The following FGD4 variants were observed in gnomAD, a reference collection of about 807,000 sequenced individuals.
FGD4 encodes FYVE, RhoGEF and PH domain-containing protein 4.
In FGD4, 42 loss-of-function variants were observed where a neutral mutation model predicts 102.0. The ratio of observed to expected loss-of-function variants is 0.41; its 90% CI spans 0.32 to 0.53. The LOEUF (loss-of-function observed/expected upper bound fraction) is 0.53, where lower values mean the gene tolerates loss of function less well. FGD4 is among the 20% of genes least tolerant of loss of function. The pLI, the probability that FGD4 is intolerant of heterozygous loss-of-function variation, is 0.21. For synonymous variants in FGD4, 380 were observed against 375.7 expected (o/e 1.01, Z -0.13); for missense variants, 902 against 1,078.2 (o/e 0.84, Z 2.29).
chr12:32,576,555 C>A, intron 3 of FGD4, 106 bp downstream of exon 3: 3 of 1,311,726 alleles, frequency 2.3e-6, no homozygotes, highest in Non-Finnish European at 3.2e-6. Context: ...ATATCTTATT[C>A]CATTAGGTTT....
At position 32,643,980 on chromosome 12, in the gene FGD4, T is replaced by G. The variant is rs1393395848; in HGVS notation, c.*3447T>G. On this transcript the variant is annotated 3_prime_UTR_variant, in exon 17 of 17. Coordinates refer to ENST00000534526, the MANE Select transcript of FGD4 (RefSeq NM_001370298.3). ...AGTAGCAAGCACCAACCGGAGCAAGTAAACTTCTAGGGAACAAGCGTCTTG... is the reference window on the plus strand; with the variant it reads ...AGTAGCAAGCACCAACCGGAGCAAGGAAACTTCTAGGGAACAAGCGTCTTG... 1 of 152,184 alleles carries G rather than the reference T, an allele frequency of 6.6e-6. No homozygotes were observed. Among genetic ancestry groups the G allele is most frequent in the South Asian group, 2.1e-4 (1 of 4,832 alleles). 9.4% of individuals were successfully genotyped at this position (152,184 alleles called of 1,614,324 possible). A position where few individuals can be genotyped will look rare whatever the true frequency, so the allele number is the denominator to read the frequency against.
chr12:32,636,011 C>CTAATAATAATAA (rs147444731), intron 15 of FGD4, among the ~76,000 whole-genome samples: 12 of 146,816 alleles, frequency 8.2e-5, no homozygotes, highest in East Asian at 6.0e-4. Flanking sequence ...GACTCTGTCT[C>CTAATAATAATAA]TAATAATAAT....
intron 7 of FGD4, among the ~76,000 whole-genome samples, chr12:32,604,154 C>A (rs1040912102): frequency 2.0e-5 from 3 of 152,126 alleles, no homozygotes; most frequent in Admixed American, 6.5e-5. Context: ...TGGCTTTCAG[C>A]AGTTTAAATA....
chr12:32,484,358 T>TA (rs34890970), intron 1 of FGD4, among the ~76,000 whole-genome samples: 47,117 of 152,060 alleles, frequency 0.31, 7,469 homozygotes, highest in East Asian at 0.45. Flanking sequence ...TAAGGTAACA[T>TA]ACAATTTTTA....
chr12:32,402,758 T>C lies in FGD4; in HGVS notation c.166+2799T>C, dbSNP rs1439885700. Among the ~76,000 whole-genome samples, 6 of 118,468 alleles carry C rather than the reference T, an allele frequency of 5.1e-5. No individual in the cohort carries two copies. In the East Asian group the frequency reaches 8.2e-4, roughly 16 times the overall value. 77.7% of individuals were successfully genotyped at this position (118,468 alleles called of 152,430 possible). ...TATTTTCAGGGTCGAAAAGTAATTA[T>C]CTTAATAGGTACAGCCATTCCCCTT... On this transcript the variant is annotated intron_variant, in intron 1 of 16. Transcript: ENST00000534526.
chr12:32,501,357 A>G lies in FGD4; in HGVS notation c.167-62780A>G, dbSNP rs186199545. Among the ~76,000 whole-genome samples the G allele has an allele frequency of 3.4e-3, 518 of 152,310 alleles. 1 individual carries two copies. The highest frequency in any genetic ancestry group is 6.1e-3 in the Admixed American group (93 of 15,304). Reference sequence around the variant, plus strand: ...CTAATAGTTGGTTTTTATGTGGTATATTTGGTTTTCAGCCAATTTTATCTT... The same window carrying G: ...CTAATAGTTGGTTTTTATGTGGTATGTTTGGTTTTCAGCCAATTTTATCTT... On this transcript the variant is annotated intron_variant, in intron 1 of 16. Coordinates refer to ENST00000534526, the MANE Select transcript of FGD4 (RefSeq NM_001370298.3).
chr12:32,533,628 T>G (rs1331077034), intron 1 of FGD4, among the ~76,000 whole-genome samples: 2 of 152,194 alleles, frequency 1.3e-5, no homozygotes, highest in African/African-American at 4.8e-5. Flanking sequence ...TTTCACCATG[T>G]TGGCCAGGCT....
Position 32,582,418 on chromosome 12 carries a change from G to T in FGD4, c.962G>T (p.Gly321Val). Residue 321 changes from glycine to valine, a missense_variant, in exon 4 of 17, where the codon GGG becomes GTG. Gly to Val is a moderately radical substitution (Grantham distance 109). Coordinates refer to ENST00000534526, the MANE Select transcript of FGD4 (RefSeq NM_001370298.3). ...TETKVQEREN[G>V]ESPLELEQLD... Reference sequence around the variant, plus strand: ...ACCAAGGTACAAGAGAGGGAAAATGGGGAAAGCCCTCTGGAACTGGAGCAG... The same window carrying T: ...ACCAAGGTACAAGAGAGGGAAAATGTGGAAAGCCCTCTGGAACTGGAGCAG... 1 of 1,613,626 alleles carries T rather than the reference G, an allele frequency of 6.2e-7. No homozygotes were observed. The highest frequency in any genetic ancestry group is 1.1e-5 in the South Asian group (1 of 91,078).
intron 1 of FGD4, among the ~76,000 whole-genome samples, chr12:32,441,096 G>C (rs1287138752): frequency 6.6e-6 from 1 of 152,144 alleles, no homozygotes; most frequent in Non-Finnish European, 1.5e-5. Context: ...CAAGAGTCAG[G>C]GTCTGGAACC....
rs1565749130 is a variant in FGD4, at chr12:32,453,222, TATAGATATATATA to T, written c.166+53264_166+53276del. On this transcript the variant is annotated intron_variant, in intron 1 of 16. Coordinates refer to ENST00000534526, the MANE Select transcript of FGD4 (RefSeq NM_001370298.3). ...ATATTATATATATATATATATATAA[TATAGATATATATA>T]TATTTTTTTTTTTTTAAATGTAGAG... Among the ~76,000 whole-genome samples, 443 of 48,282 alleles carry T rather than the reference TATAGATATATATA, an allele frequency of 9.2e-3. 4 individuals are homozygous for T. In the Middle Eastern group the frequency reaches 0.095, roughly 10 times the overall value. The allele number at this position is 48,282 out of a possible 152,430, so 31.7% of individuals were successfully genotyped here. A position where few individuals can be genotyped will look rare whatever the true frequency, so the allele number is the denominator to read the frequency against.
intron 15 of FGD4, among the ~76,000 whole-genome samples, chr12:32,634,260 T>C (rs1950664067): frequency 1.3e-5 from 2 of 152,276 alleles, no homozygotes; most frequent in Non-Finnish European, 2.9e-5. Flanking sequence ...CCCAAATTAT[T>C]GTAGTATGTT....
intron 1 of FGD4, among the ~76,000 whole-genome samples, chr12:32,481,376 G>A (rs1178403349): frequency 6.6e-6 from 1 of 152,170 alleles, no homozygotes; most frequent in Non-Finnish European, 1.5e-5. Flanking sequence ...CTTACAAGAT[G>A]TAATGATCAA....
intron 1 of FGD4, among the ~76,000 whole-genome samples, chr12:32,472,460 G>A (rs879055597): frequency 3.3e-5 from 5 of 152,170 alleles, no homozygotes; most frequent in Admixed American, 6.5e-5. Context: ...GGGTGTACTG[G>A]GTCCCCCAGC....
At chr12:32,413,026 A>G (rs1290901631) in intron 1 of FGD4, among the ~76,000 whole-genome samples, 2 of 147,814 alleles carry the variant, frequency 1.4e-5, no homozygotes, top group African/African-American at 5.0e-5. Context: ...CAGTGGAGCC[A>G]TAATTGCGCC....
At chr12:32,449,349 G>A (rs1379257571) in intron 1 of FGD4, among the ~76,000 whole-genome samples, 1 of 152,196 alleles carries the variant, frequency 6.6e-6, no homozygotes, top group Non-Finnish European at 1.5e-5. Flanking sequence ...ATGGCAAAAG[G>A]ATCAATTTCA....
chr12:32,438,897 T>A (rs1055372734), intron 1 of FGD4, among the ~76,000 whole-genome samples: 5 of 152,168 alleles, frequency 3.3e-5, no homozygotes, highest in Non-Finnish European at 5.9e-5. Flanking sequence ...CGTGAGCCAC[T>A]GCGCCCGGCC....
intron 1 of FGD4, among the ~76,000 whole-genome samples, chr12:32,510,284 T>C (rs1939224958): frequency 2.0e-5 from 3 of 152,222 alleles, no homozygotes; most frequent in Admixed American, 2.0e-4. Context: ...GATTGTAAGT[T>C]ATACAACCAT....
chr12:32,444,318 C>A (rs1269330596), intron 1 of FGD4, among the ~76,000 whole-genome samples: 1 of 152,088 alleles, frequency 6.6e-6, no homozygotes, highest in Non-Finnish European at 1.5e-5. Flanking sequence ...CCACTGCACC[C>A]AGCCAACAGG....
chr12:32,627,563 G>A (rs922565770), intron 14 of FGD4, among the ~76,000 whole-genome samples: 9 of 152,126 alleles, frequency 5.9e-5, no homozygotes, highest in African/African-American at 2.2e-4. Flanking sequence ...AGGACTAAGT[G>A]TGAAGATTTT....
Sources: allele counts gnomAD v4.1 joint callset (sites outside exome capture counted in the v4.1 genomes callset), GRCh38; gene constraint gnomAD v4.1.1; transcripts MANE v1.5; gene names NCBI Gene and HGNC (gene_info 2026-07-23, HGNC 2026-07-21).